AARS1: variants seen among roughly 807,000 people sequenced by gnomAD.
The protein encoded by AARS1 is alanyl-tRNA synthetase 1.
AARS1 carries 72 observed loss-of-function variants against 108.9 expected under a neutral mutation model. The ratio of observed to expected loss-of-function variants is 0.66; its 90% CI spans 0.55 to 0.80. AARS1 has a LOEUF of 0.80. AARS1 is among the 30% of genes least tolerant of loss of function. The pLI is 0.00. For synonymous variants in AARS1, 489 were observed against 465.7 expected (o/e 1.05, Z -0.64); for missense variants, 1,193 against 1,233.2 (o/e 0.97, Z 0.49).
At chr16:70,253,482 T>C (rs957476307) in intron 19 of AARS1, 101 bp from the exon 20 acceptor site, 35 of 1,110,448 alleles carry the variant, frequency 3.2e-5, no homozygotes, top group Non-Finnish European at 4.4e-5. Context: ...CCCCTACCCC[T>C]TCCCAGAGCA....
At position 70,278,519 on chromosome 16, in the gene AARS1, C is replaced by T. The variant is rs550163959; in HGVS notation, c.145-1365G>A. Among the ~76,000 whole-genome samples, 120 of 150,262 alleles carry T rather than the reference C, an allele frequency of 8.0e-4. 1 individual carries two copies. The highest frequency in any genetic ancestry group is 4.4e-3 in the South Asian group (21 of 4,768). On this transcript the variant is annotated intron_variant, in intron 2 of 20. Transcript: ENST00000261772. ...GGCAGAGGTTGCAGTGAGCCAAGAT[C>T]GTGCCACTCTACTCCAGCCTGGGCT...
chr16:70,277,999 C>T (rs1305587539), intron 2 of AARS1, among the ~76,000 whole-genome samples: 3 of 151,844 alleles, frequency 2.0e-5, no homozygotes, highest in Non-Finnish European at 2.9e-5. Context: ...GTGATTTGCC[C>T]GCCTCAGCCT....
At chr16:70,261,288 T>G (rs1425706328) in intron 12 of AARS1, 131 bp from the exon 13 acceptor site, 4 of 642,070 alleles carry the variant, frequency 6.2e-6, no homozygotes, top group Non-Finnish European at 1.1e-5. Flanking sequence ...ACATACTCCC[T>G]TAATATCATT....
chr16:70,267,943 G>T, intron 8 of AARS1, 134 bp from the exon 9 acceptor site: 1 of 1,266,726 alleles, frequency 7.9e-7, no homozygotes, highest in Non-Finnish European at 1.1e-6. Flanking sequence ...CGAGGCAGGT[G>T]GATTGCCTGA....
intron 7 of AARS1, among the ~76,000 whole-genome samples, chr16:70,269,316 GTC>G (rs1960336622): frequency 1.6e-5 from 1 of 63,390 alleles, no homozygotes; most frequent in African/African-American, 7.8e-5. Flanking sequence ...GCAAAATTCT[GTC>G]TCAGAAAAAA....
At chr16:70,253,446 G>A in intron 19 of AARS1, 65 bp from the exon 20 acceptor site, 2 of 1,374,438 alleles carry the variant, frequency 1.5e-6, no homozygotes, top group Non-Finnish European at 1.0e-6. Flanking sequence ...GTGAGCATTT[G>A]CAGCCCTCAG....
rs765927805 is a variant in AARS1, at chr16:70,276,529, A to G, written c.436T>C (p.Leu146=). 5 of 1,614,132 alleles carry G rather than the reference A, an allele frequency of 3.1e-6. No individual in the cohort carries two copies. The South Asian group carries it at 5.5e-5, about 18-fold the overall frequency. Residue 146 remains leucine, a synonymous_variant, in exon 4 of 21, where the codon TTA becomes CTA. Coordinates refer to ENST00000261772, the MANE Select transcript of AARS1 (RefSeq NM_001605.3). ...TYFGGDEAAG[L]EADLECKQIW... Reference sequence around the variant, plus strand: ...TGTTTGCATTCCAGATCTGCTTCTAAGCCAGCTGCTTCATCCCCGCCAAAG... The same window carrying G: ...TGTTTGCATTCCAGATCTGCTTCTAGGCCAGCTGCTTCATCCCCGCCAAAG...
intron 2 of AARS1, among the ~76,000 whole-genome samples, chr16:70,279,068 A>C (rs1960625017): frequency 6.6e-6 from 1 of 152,132 alleles, no homozygotes; most frequent in Non-Finnish European, 1.5e-5. Context: ...AAATGTTTAC[A>C]AGGCCGGGCG....
intron 20 of AARS1, 111 bp from the exon 21 acceptor site, chr16:70,253,017 C>T: frequency 8.1e-7 from 1 of 1,238,926 alleles, no homozygotes; most frequent in South Asian, 1.2e-5. Flanking sequence ...CTGGGTGATA[C>T]TGCTGGAGGC....
At chr16:70,276,368 A>C in intron 4 of AARS1, 118 bp downstream of exon 4, 2 of 1,181,512 alleles carry the variant, frequency 1.7e-6, no homozygotes, top group Non-Finnish European at 2.5e-6. Context: ...CCCCATGTGC[A>C]TCTCAAAAGG....
At chr16:70,259,245 G>T in intron 13 of AARS1, 59 bp from the exon 14 acceptor site, 1 of 1,522,234 alleles carries the variant, frequency 6.6e-7, no homozygotes, top group Non-Finnish European at 9.1e-7. Context: ...TTATCTCCTC[G>T]TTATCTGCTC....
intron 16 of AARS1, among the ~76,000 whole-genome samples, chr16:70,255,506 A>G (rs1959966960): frequency 1.3e-5 from 2 of 151,888 alleles, no homozygotes; most frequent in Admixed American, 6.6e-5. Context: ...CCTGATTCAC[A>G]TATATTTTAA....
intron 4 of AARS1, among the ~76,000 whole-genome samples, chr16:70,273,054 T>C (rs1181296590): frequency 1.3e-5 from 2 of 152,146 alleles, no homozygotes; most frequent in Non-Finnish European, 2.9e-5. Flanking sequence ...CAGGTGTCAC[T>C]ACCCAAAATT....
At chr16:70,255,316 C>T (rs146705822) in intron 16 of AARS1, among the ~76,000 whole-genome samples, 14 of 151,782 alleles carry the variant, frequency 9.2e-5, no homozygotes, top group African/African-American at 3.4e-4. Context: ...TCTCCTGCCC[C>T]AGCCTCCCAA....
At chr16:70,253,873 C>G in intron 18 of AARS1, 46 bp downstream of exon 18, 1 of 1,614,214 alleles carries the variant, frequency 6.2e-7, no homozygotes, top group African/African-American at 1.3e-5. Flanking sequence ...GTTCTGCCAG[C>G]CTTTGCCTAG....
intron 9 of AARS1, among the ~76,000 whole-genome samples, chr16:70,266,741 C>G (rs1960273350): frequency 6.6e-6 from 1 of 150,692 alleles, no homozygotes; most frequent in Admixed American, 6.6e-5. Flanking sequence ...AGGCTGGTCT[C>G]AAATTCCTGA....
At chr16:70,259,645 A>G (rs563157472) in intron 13 of AARS1, among the ~76,000 whole-genome samples, 1 of 151,502 alleles carries the variant, frequency 6.6e-6, no homozygotes, top group East Asian at 1.9e-4. Context: ...ACTACCCCCA[A>G]CTAATATTTT....
chr16:70,271,843 A>G lies in AARS1; in HGVS notation c.609T>C (p.Leu203=). 1.2e-6 allele frequency: 2 copies of G among 1,613,918 alleles called. No individual in the cohort carries two copies. The highest frequency in any genetic ancestry group is 1.3e-5 in the African/African-American group (1 of 75,024). Residue 203 remains leucine, a synonymous_variant, in exon 5 of 21, where the codon CTT becomes CTC. Coordinates refer to ENST00000261772, the MANE Select transcript of AARS1 (RefSeq NM_001605.3). ...DRIGGRDAAH[L]VNQDDPNVLE... The stretch of plus-strand genomic sequence containing the variant: ...GCACATTAGGGTCGTCCTGGTTGAC[A>G]AGATGTGCGGCGTCCCGACCACCAA...
At chr16:70,259,255 C>T (rs769989483) in intron 13 of AARS1, 69 bp from the exon 14 acceptor site, 55 of 1,476,348 alleles carry the variant, frequency 3.7e-5, no homozygotes, top group Non-Finnish European at 4.7e-5. Context: ...GTTATCTGCT[C>T]CCCCGAGTGC....
Sources: gnomAD v4.1 joint callset for allele counts (sites outside exome capture counted in the v4.1 genomes callset) on GRCh38, gnomAD v4.1.1 for gene constraint, MANE v1.5 for transcripts, NCBI Gene and HGNC (gene_info 2026-07-23, HGNC 2026-07-21) for gene names.